Variants in EXTL3 observed in about 807,000 individuals in gnomAD.
The protein encoded by EXTL3 is exostosin-like 3.
In EXTL3, 27 loss-of-function variants were observed where a neutral mutation model predicts 69.3. The ratio of observed to expected loss-of-function variants is 0.39; its 90% CI spans 0.29 to 0.54. The LOEUF (loss-of-function observed/expected upper bound fraction) is 0.54, where lower values mean the gene tolerates loss of function less well. Ranked by LOEUF, EXTL3 falls within the 20% of genes least tolerant of loss-of-function variation. The pLI is 0.69. For synonymous variants in EXTL3, 511 were observed against 499.4 expected (o/e 1.02, Z -0.31); for missense variants, 1,003 against 1,231.8 (o/e 0.81, Z 2.78).
intron 1 of EXTL3, among the ~76,000 whole-genome samples, chr8:28,635,579 C>T (rs1000396255): frequency 6.6e-6 from 1 of 150,380 alleles, no homozygotes; most frequent in Non-Finnish European, 1.5e-5. Flanking sequence ...GGCATAGTGG[C>T]GGGTGCCTGT....
chr8:28,680,897 A>C (rs1807476774), intron 1 of EXTL3, among the ~76,000 whole-genome samples: 1 of 152,004 alleles, frequency 6.6e-6, no homozygotes, highest in African/African-American at 2.4e-5. Context: ...CTTCTTTTTG[A>C]GACAAAGTCT....
At chr8:28,641,301 A>C (rs1020520908) in intron 1 of EXTL3, among the ~76,000 whole-genome samples, 2 of 152,192 alleles carry the variant, frequency 1.3e-5, no homozygotes, top group African/African-American at 2.4e-5. Context: ...GCTTCTGTGA[A>C]GTTTACAGGA....
chr8:28,612,999 G>A (rs1806290903), intron 2 of EXTL3, among the ~76,000 whole-genome samples: 1 of 151,962 alleles, frequency 6.6e-6, no homozygotes, highest in Non-Finnish European at 1.5e-5. Flanking sequence ...GATTATAGGT[G>A]GGAGTCACCA....
intron 1 of EXTL3, among the ~76,000 whole-genome samples, chr8:28,676,014 T>A (rs1807375946): frequency 1.3e-5 from 1 of 74,900 alleles, no homozygotes; most frequent in Non-Finnish European, 2.3e-5. Context: ...AGAGTGAGAC[T>A]CCATCTCAAA....
intron 3 of EXTL3, chr8:28,730,359 A>G (rs1801511786): frequency 1.3e-5 from 2 of 152,148 alleles, no homozygotes; most frequent in South Asian, 4.1e-4. Flanking sequence ...CTTTGGTTGG[A>G]CTAATTAGAC....
intron 1 of EXTL3, among the ~76,000 whole-genome samples, chr8:28,658,495 G>C (rs963617414): frequency 2.6e-5 from 4 of 152,014 alleles, no homozygotes; most frequent in Admixed American, 2.0e-4. Flanking sequence ...ACAAAAGGAA[G>C]TGTCTTATAC....
chr8:28,646,132 G>T (rs1806826748), intron 1 of EXTL3, among the ~76,000 whole-genome samples: 1 of 152,158 alleles, frequency 6.6e-6, no homozygotes, highest in Non-Finnish European at 1.5e-5. Flanking sequence ...AAAGTGTTGG[G>T]ATTATAGGCC....
chr8:28,693,386 G>C (rs1464617866), intron 1 of EXTL3, among the ~76,000 whole-genome samples: 1 of 152,126 alleles, frequency 6.6e-6, no homozygotes, highest in Non-Finnish European at 1.5e-5. Flanking sequence ...CTGACTTCAG[G>C]TGATCCCCCC....
chr8:28,618,748 C>T (rs1056442130), upstream of EXTL3, among the ~76,000 whole-genome samples: 8 of 151,982 alleles, frequency 5.3e-5, no homozygotes, highest in African/African-American at 1.9e-4. Flanking sequence ...AGCCCAGCTC[C>T]CACTCCCCAG....
intron 1 of EXTL3, among the ~76,000 whole-genome samples, chr8:28,655,465 T>C (rs1806992824): frequency 6.6e-6 from 1 of 151,698 alleles, no homozygotes; most frequent in Non-Finnish European, 1.5e-5. Flanking sequence ...TCTTCTTTAA[T>C]ATACCTTGAG....
chr8:28,697,383 G>A (rs950227583), upstream of EXTL3: 2 of 152,170 alleles, frequency 1.3e-5, no homozygotes, highest in African/African-American at 2.4e-5. Context: ...TCTCTCTTAC[G>A]GGAGTTTAAA....
At chr8:28,627,884 C>G (rs150975481) in intron 1 of EXTL3, among the ~76,000 whole-genome samples, 59 of 151,748 alleles carry the variant, frequency 3.9e-4, no homozygotes, top group African/African-American at 1.4e-3. Flanking sequence ...CTAAAGCAGT[C>G]AAGCTCATAG....
intron 6 of EXTL3, among the ~76,000 whole-genome samples, chr8:28,745,281 T>C (rs892819966): frequency 1.3e-5 from 2 of 152,236 alleles, no homozygotes; most frequent in Admixed American, 6.5e-5. Flanking sequence ...AAGAAATGCA[T>C]GTGGAGGCCA....
rs752492460 is a variant in EXTL3, at chr8:28,743,133, C to T, written c.2469C>T (p.Asp823=). The change falls in exon 6 of 7, where the codon GAC becomes GAT. Residue 823 remains aspartate (D), a synonymous_variant. Transcript: ENST00000220562. The part of the protein sequence containing the change: ...YSYVMPQAIR[D]MVDEYINCED... ...ATGTGATGCCCCAGGCCATCCGGGA[C>T]ATGGTGGATGAATACATCAACTGTG... 8.7e-6 allele frequency: 14 copies of T among 1,614,170 alleles called. No homozygotes were observed. The South Asian group carries it at 1.5e-4, about 18-fold the overall frequency.
At chr8:28,640,666 G>A (rs547208588) in intron 1 of EXTL3, among the ~76,000 whole-genome samples, 6 of 152,240 alleles carry the variant, frequency 3.9e-5, no homozygotes, top group African/African-American at 1.2e-4. Flanking sequence ...GGAGTGGTGC[G>A]ATCATAGCTC....
In EXTL3 at chr8:28,713,442, T is replaced by TC; in HGVS notation, c.-569-15_-569-14insC. ...ACTGTTCTATTTTTGTTTTTTGTTT[T>TC]TTTTTTTAAATCAGGAGAGCAAGCC... On this transcript the variant is annotated splice_polypyrimidine_tract_variant and intron_variant, in intron 1 of 6. Transcript: ENST00000220562. The TC allele has an allele frequency of 1.5e-6, 1 of 672,366 alleles. No individual in the cohort carries two copies. Among genetic ancestry groups the TC allele is most frequent in the Non-Finnish European group, 2.7e-6 (1 of 376,910 alleles). 41.7% of individuals were successfully genotyped at this position (672,366 alleles called of 1,614,324 possible). A position where few individuals can be genotyped will look rare whatever the true frequency, so the allele number is the denominator to read the frequency against.
chr8:28,698,720 G>A (rs1563207211), upstream of EXTL3, among the ~76,000 whole-genome samples: 1 of 152,140 alleles, frequency 6.6e-6, no homozygotes, highest in African/African-American at 2.4e-5. Context: ...TAGGCCGGGC[G>A]TGGTGGCTCA....
Position 28,751,185 on chromosome 8 carries a change from C to G in EXTL3, c.*319C>G. ...ACAGCTGGTTCGTGGTTTTTACATTCAATAACAACTATTATGATTATTTAA... is the reference window on the plus strand; with the variant it reads ...ACAGCTGGTTCGTGGTTTTTACATTGAATAACAACTATTATGATTATTTAA... On this transcript the variant is annotated 3_prime_UTR_variant, in exon 7 of 7. Coordinates refer to ENST00000220562, the MANE Select transcript of EXTL3 (RefSeq NM_001440.4). The G allele has an allele frequency of 2.7e-6, 1 of 374,710 alleles. No homozygotes were observed. Among genetic ancestry groups the G allele is most frequent in the East Asian group, 5.0e-5 (1 of 19,950 alleles). 23.2% of individuals were successfully genotyped at this position (374,710 alleles called of 1,614,324 possible). A position where few individuals can be genotyped will look rare whatever the true frequency, so the allele number is the denominator to read the frequency against.
At chr8:28,721,685 C>T (rs1009276472) in intron 3 of EXTL3, among the ~76,000 whole-genome samples, 4 of 152,244 alleles carry the variant, frequency 2.6e-5, no homozygotes, top group Non-Finnish European at 5.9e-5. Context: ...CTGAACTCTT[C>T]TGGAGGCAGA....
Sources: gnomAD v4.1 joint callset for allele counts (sites outside exome capture counted in the v4.1 genomes callset) on GRCh38, gnomAD v4.1.1 for gene constraint, MANE v1.5 for transcripts, NCBI Gene and HGNC (gene_info 2026-07-23, HGNC 2026-07-21) for gene names.